Variants in SCAPER observed in about 807,000 individuals in gnomAD.
SCAPER encodes S phase cyclin A-associated protein in the endoplasmic reticulum.
SCAPER carries 98 observed loss-of-function variants against 182.2 expected under a neutral mutation model. That is an observed-to-expected ratio of 0.54 (90% CI 0.46 to 0.64). The LOEUF is 0.64. Among genes scored for constraint, SCAPER ranks in the 30% least tolerant of loss-of-function variants. The probability of loss-of-function intolerance (pLI) is 0.00; values close to 1 mark genes in which losing one functional copy is unlikely to be tolerated. For missense variants in SCAPER, 1,432 were observed against 1,690.0 expected (o/e 0.85, Z 2.68); for synonymous variants, 605 against 564.6 (o/e 1.07, Z -1.01).
At chr15:76,834,787 A>G (rs981614653) in intron 5 of SCAPER, among the ~76,000 whole-genome samples, 8 of 152,196 alleles carry the variant, frequency 5.3e-5, no homozygotes, top group African/African-American at 1.9e-4. Context: ...GTGCATACCA[A>G]CTGGAAAACC....
chr15:76,891,058 A>T (rs2074135905), intron 1 of SCAPER, among the ~76,000 whole-genome samples: 1 of 152,232 alleles, frequency 6.6e-6, no homozygotes, highest in Non-Finnish European at 1.5e-5. Context: ...AACAGAACCA[A>T]TGACAAAAAC....
intron 17 of SCAPER, among the ~76,000 whole-genome samples, chr15:76,715,319 C>T (rs1019616144): frequency 2.0e-5 from 3 of 152,114 alleles, no homozygotes; most frequent in East Asian, 1.9e-4. Context: ...AAAGGCTCTA[C>T]TGACCCAAGT....
chr15:76,857,863 T>G lies in SCAPER; in HGVS notation c.141A>C (p.Gln47His). ...TGGTCCTCTTAGATTTTCCACCAGTTTGACATTTAGGTTTTCCTTCAAGGC... is the reference window on the plus strand; with the variant it reads ...TGGTCCTCTTAGATTTTCCACCAGTGTGACATTTAGGTTTTCCTTCAAGGC... ...SKDDDGKPKC[Q>H]TGGKSKRTIQ... Residue 47 changes from glutamine (Q) to histidine (H), a missense_variant, in exon 4 of 32, where the codon CAA becomes CAC. Coordinates refer to ENST00000563290, the MANE Select transcript of SCAPER (RefSeq NM_020843.4). 6.5e-7 allele frequency: 1 copy of G among 1,546,486 alleles called. No individual in the cohort carries two copies. Among genetic ancestry groups the G allele is most frequent in the Middle Eastern group, 1.9e-4 (1 of 5,290 alleles).
At chr15:76,859,929 T>C (rs577277284) in intron 3 of SCAPER, among the ~76,000 whole-genome samples, 37 of 152,292 alleles carry the variant, frequency 2.4e-4, no homozygotes, top group Admixed American at 1.4e-3. Flanking sequence ...TTGCCCAGGC[T>C]GGTCTCGAAC....
At chr15:76,608,234 C>G (rs1477808870) in intron 22 of SCAPER, among the ~76,000 whole-genome samples, 1 of 152,182 alleles carries the variant, frequency 6.6e-6, no homozygotes, top group East Asian at 1.9e-4. Flanking sequence ...TTCCTTCTAA[C>G]AGACAGGACC....
At chr15:76,436,706 G>A (rs2047221296) in intron 25 of SCAPER, among the ~76,000 whole-genome samples, 1 of 151,972 alleles carries the variant, frequency 6.6e-6, no homozygotes, top group Non-Finnish European at 1.5e-5. Context: ...CAAATATGTA[G>A]TAATCTTGGG....
chr15:76,622,654 C>G (rs560419568), intron 21 of SCAPER, among the ~76,000 whole-genome samples: 2 of 152,084 alleles, frequency 1.3e-5, no homozygotes, highest in South Asian at 4.2e-4. Context: ...TGTCAAAATG[C>G]AGAAATAACT....
chr15:76,864,917 C>T (rs1368317321), intron 2 of SCAPER, among the ~76,000 whole-genome samples: 1 of 151,968 alleles, frequency 6.6e-6, no homozygotes, highest in Admixed American at 6.6e-5. Flanking sequence ...ATCAAACATA[C>T]CCTCACACAT....
At chr15:76,489,847 T>A in intron 24 of SCAPER, among the ~76,000 whole-genome samples, 1 of 152,200 alleles carries the variant, frequency 6.6e-6, no homozygotes, top group South Asian at 2.1e-4. Context: ...TCTCTGCTTC[T>A]GTGAATTTAA....
At chr15:76,550,956 T>G (rs1252552278) in intron 23 of SCAPER, among the ~76,000 whole-genome samples, 1 of 152,076 alleles carries the variant, frequency 6.6e-6, no homozygotes, top group Non-Finnish European at 1.5e-5. Context: ...ATAAAAAAAA[T>G]TCTCAACATC....
chr15:76,713,527 G>A (rs1283078928), intron 17 of SCAPER, among the ~76,000 whole-genome samples: 2 of 151,908 alleles, frequency 1.3e-5, no homozygotes, highest in East Asian at 3.9e-4. Flanking sequence ...ACTATCGCAA[G>A]GACAAAAAAC....
intron 15 of SCAPER, among the ~76,000 whole-genome samples, chr15:76,742,921 G>GA (rs1449437292): frequency 6.6e-6 from 1 of 151,864 alleles, no homozygotes; most frequent in African/African-American, 2.4e-5. Context: ...TGAGACTTCA[G>GA]AAAAAAATAA....
intron 23 of SCAPER, among the ~76,000 whole-genome samples, chr15:76,569,472 T>C (rs2047282816): frequency 6.6e-6 from 1 of 152,200 alleles, no homozygotes; most frequent in African/African-American, 2.4e-5. Context: ...TCCACATTTA[T>C]GAATGAGATT....
At chr15:76,767,606 G>C (rs1056963097) in intron 10 of SCAPER, among the ~76,000 whole-genome samples, 1 of 151,902 alleles carries the variant, frequency 6.6e-6, no homozygotes, top group African/African-American at 2.4e-5. Context: ...AGAAGCTAAA[G>C]ATGTATACTA....
chr15:76,412,431 A>G (rs553532298), intron 26 of SCAPER, among the ~76,000 whole-genome samples: 1 of 152,250 alleles, frequency 6.6e-6, no homozygotes, highest in African/African-American at 2.4e-5. Flanking sequence ...GTGTGTGGCC[A>G]GGGGGTTTAT....
rs374048385 is a variant in SCAPER, at chr15:76,557,689, C to T, written c.2838+16469G>A. 2.4e-4 allele frequency among the ~76,000 whole-genome samples: 36 copies of T among 152,266 alleles called. No homozygotes were observed. In the East Asian group the frequency reaches 5.6e-3, roughly 24 times the overall value. On this transcript the variant is annotated intron_variant, in intron 23 of 31. Coordinates refer to ENST00000563290, the MANE Select transcript of SCAPER (RefSeq NM_020843.4). ...TGAGCAGATGACAGAATCATGCTTC[C>T]AACTAAACCTCTTTTCTGTATCAGT...
At chr15:76,697,558 T>A (rs1006516173) in intron 20 of SCAPER, among the ~76,000 whole-genome samples, 2 of 152,242 alleles carry the variant, frequency 1.3e-5, no homozygotes, top group African/African-American at 4.8e-5. Context: ...TCAGTTTACA[T>A]AATACCATAT....
At chr15:76,484,512 C>T (rs1400466080) in intron 24 of SCAPER, among the ~76,000 whole-genome samples, 1 of 152,042 alleles carries the variant, frequency 6.6e-6, no homozygotes, top group African/African-American at 2.4e-5. Context: ...AGCCTACCAA[C>T]TAAAAAGAGC....
intron 26 of SCAPER, among the ~76,000 whole-genome samples, chr15:76,425,222 G>GT (rs1267620111): frequency 2.0e-5 from 3 of 152,192 alleles, no homozygotes; most frequent in Non-Finnish European, 4.4e-5. Flanking sequence ...TTCCAACTTG[G>GT]TTCCATTCTC....
Sources: gnomAD v4.1 joint callset for allele counts (sites outside exome capture counted in the v4.1 genomes callset) on GRCh38, gnomAD v4.1.1 for gene constraint, MANE v1.5 for transcripts, NCBI Gene and HGNC (gene_info 2026-07-23, HGNC 2026-07-21) for gene names.